The following LDB2 variants were observed in gnomAD, a reference collection of about 807,000 sequenced individuals.
LDB2 encodes LIM domain binding 2, also known as LIM domain-binding protein 2.
Under a neutral mutation model 44.3 loss-of-function variants are expected in LDB2, and 12 were observed. The ratio of observed to expected loss-of-function variants is 0.27; its 90% CI spans 0.17 to 0.44. The LOEUF (loss-of-function observed/expected upper bound fraction) is 0.44, where lower values mean the gene tolerates loss of function less well. Among genes scored for constraint, LDB2 ranks in the 20% least tolerant of loss-of-function variants. The probability of loss-of-function intolerance (pLI) is 1.00; values close to 1 mark genes in which losing one functional copy is unlikely to be tolerated. For missense variants in LDB2, 344 were observed against 473.5 expected (o/e 0.73, Z 2.54); for synonymous variants, 164 against 174.8 (o/e 0.94, Z 0.49).
intron 1 of LDB2, chr4:16,826,564 T>C (rs1323995142): frequency 1.3e-5 from 2 of 152,222 alleles, no homozygotes; most frequent in African/African-American, 4.8e-5. Flanking sequence ...TTCTAGTGCA[T>C]TGAAATTCTT....
chr4:16,558,798 G>T (rs1347493992), intron 5 of LDB2, among the ~76,000 whole-genome samples: 1 of 152,132 alleles, frequency 6.6e-6, no homozygotes, highest in Non-Finnish European at 1.5e-5. Flanking sequence ...AAATGTTAAG[G>T]GCAGCCAGAG....
intron 5 of LDB2, among the ~76,000 whole-genome samples, chr4:16,520,868 A>C (rs1377992851): frequency 6.6e-6 from 1 of 152,156 alleles, no homozygotes; most frequent in Admixed American, 6.6e-5. Flanking sequence ...TGAAGAGACC[A>C]TTCAAGGCCC....
intron 1 of LDB2, among the ~76,000 whole-genome samples, chr4:16,802,311 A>G (rs1422191984): frequency 2.0e-5 from 3 of 152,182 alleles, no homozygotes; most frequent in African/African-American, 4.8e-5. Context: ...TTCACCAGCT[A>G]TTATTTCCTT....
chr4:16,522,702 A>G (rs1198021902), intron 5 of LDB2, among the ~76,000 whole-genome samples: 1 of 152,218 alleles, frequency 6.6e-6, no homozygotes, highest in African/African-American at 2.4e-5. Context: ...TTTTGATGAT[A>G]CAATGGATGT....
intron 2 of LDB2, among the ~76,000 whole-genome samples, chr4:16,658,265 C>T (rs560728510): frequency 6.6e-6 from 1 of 152,268 alleles, no homozygotes; most frequent in African/African-American, 2.4e-5. Context: ...TAAATTCCTG[C>T]TAAATTGAAA....
chr4:16,892,808 T>G (rs1316926210), intron 1 of LDB2, among the ~76,000 whole-genome samples: 1 of 152,128 alleles, frequency 6.6e-6, no homozygotes, highest in African/African-American at 2.4e-5. Context: ...AACAAAAAGC[T>G]AAATGTTTAA....
At chr4:16,733,449 C>A (rs1363277306) in intron 2 of LDB2, among the ~76,000 whole-genome samples, 2 of 151,998 alleles carry the variant, frequency 1.3e-5, no homozygotes, top group Non-Finnish European at 2.9e-5. Context: ...AAGTTCTTGA[C>A]CAAAAAGTGT....
In LDB2 at chr4:16,814,136, T is replaced by C. The variant is rs192542920; in HGVS notation, c.133-54876A>G. On this transcript the variant is annotated intron_variant, in intron 1 of 7. Transcript: ENST00000304523. ...CCGCCCGCCTCGGCCTTCCAAAGTG[T>C]TGGGATTACAGGCGTGAGCCACCGC... Among the ~76,000 whole-genome samples the C allele has an allele frequency of 6.0e-3, 919 of 152,248 alleles. 8 individuals are homozygous for C. The highest frequency in any genetic ancestry group is 0.023 in the South Asian group (112 of 4,826).
At chr4:16,885,647 T>A (rs1030116848) in intron 1 of LDB2, among the ~76,000 whole-genome samples, 1 of 152,222 alleles carries the variant, frequency 6.6e-6, no homozygotes, top group South Asian at 2.1e-4. Flanking sequence ...TTAACATTAA[T>A]TCAAGCTTCC....
intron 2 of LDB2, among the ~76,000 whole-genome samples, chr4:16,604,118 G>T (rs540246513): frequency 1.3e-5 from 2 of 152,296 alleles, no homozygotes; most frequent in South Asian, 4.1e-4. Flanking sequence ...TTCCCAAAAG[G>T]CTGGGATTAC....
chr4:16,656,442 G>A (rs903882745), intron 2 of LDB2, among the ~76,000 whole-genome samples: 5 of 152,138 alleles, frequency 3.3e-5, no homozygotes, highest in Non-Finnish European at 7.4e-5. Flanking sequence ...TGTCCAATAC[G>A]CCAGCCACCA....
At chr4:16,734,002 A>G (rs1234933770) in intron 2 of LDB2, among the ~76,000 whole-genome samples, 2 of 152,222 alleles carry the variant, frequency 1.3e-5, no homozygotes, top group Admixed American at 1.3e-4. Flanking sequence ...GACATAGGGA[A>G]AAGAGAACAG....
Position 16,581,201 on chromosome 4 carries a change from T to C in LDB2, c.615+4721A>G, listed in dbSNP as rs561124965. Reference sequence around the variant, plus strand: ...AGAAGCATTTACAAAGGTACTTTGGTGAATGAGTAATGAAAGCTCTGCGTG... The same window carrying C: ...AGAAGCATTTACAAAGGTACTTTGGCGAATGAGTAATGAAAGCTCTGCGTG... On this transcript the variant is annotated intron_variant, in intron 5 of 7. Transcript: ENST00000304523. 8.5e-5 allele frequency among the ~76,000 whole-genome samples: 13 copies of C among 152,314 alleles called. No homozygotes were observed. The East Asian group carries it at 1.9e-3, about 23-fold the overall frequency.
intron 2 of LDB2, among the ~76,000 whole-genome samples, chr4:16,701,564 C>G (rs989623024): frequency 4.6e-5 from 7 of 152,216 alleles, no homozygotes; most frequent in African/African-American, 1.7e-4. Flanking sequence ...AACCCGCATT[C>G]TTGCCTCCAC....
chr4:16,806,833 G>T (rs1214801135), intron 1 of LDB2, among the ~76,000 whole-genome samples: 1 of 152,110 alleles, frequency 6.6e-6, no homozygotes, highest in Non-Finnish European at 1.5e-5. Flanking sequence ...CTGAGGGCAA[G>T]CTACTTCACC....
At chr4:16,647,162 G>A (rs1454225762) in intron 2 of LDB2, among the ~76,000 whole-genome samples, 1 of 152,200 alleles carries the variant, frequency 6.6e-6, no homozygotes, top group Non-Finnish European at 1.5e-5. Flanking sequence ...GTACAACTTG[G>A]AGGAAACCTG....
At chr4:16,687,184 C>T (rs1056670556) in intron 2 of LDB2, among the ~76,000 whole-genome samples, 6 of 151,596 alleles carry the variant, frequency 4.0e-5, no homozygotes, top group Non-Finnish European at 8.8e-5. Flanking sequence ...TTGTTATGGT[C>T]GACATGTTTA....
intron 2 of LDB2, among the ~76,000 whole-genome samples, chr4:16,692,634 T>C (rs990095657): frequency 2.6e-5 from 4 of 152,066 alleles, no homozygotes; most frequent in African/African-American, 9.7e-5. Flanking sequence ...CTCTTCAAGT[T>C]TGGAATTTTC....
intron 1 of LDB2, among the ~76,000 whole-genome samples, chr4:16,826,752 T>A (rs1468920102): frequency 6.6e-6 from 1 of 151,898 alleles, no homozygotes; most frequent in Non-Finnish European, 1.5e-5. Context: ...TGACTGCAAA[T>A]GCTTGAGAAA....
Sources: gnomAD v4.1 joint callset for allele counts (sites outside exome capture counted in the v4.1 genomes callset) on GRCh38, gnomAD v4.1.1 for gene constraint, MANE v1.5 for transcripts, NCBI Gene and HGNC (gene_info 2026-07-23, HGNC 2026-07-21) for gene names.